Variants in PPP2R2C observed in about 807,000 individuals in gnomAD.
The protein encoded by PPP2R2C is protein phosphatase 2 regulatory subunit Bgamma, also known as protein phosphatase 2, regulatory subunit B, gamma.
PPP2R2C carries 10 observed loss-of-function variants against 45.3 expected under a neutral mutation model. The observed-to-expected ratio is 0.22, with a 90% CI of 0.14 to 0.37. The LOEUF (loss-of-function observed/expected upper bound fraction) is 0.37, where lower values mean the gene tolerates loss of function less well. Among genes scored for constraint, PPP2R2C ranks in the 10% least tolerant of loss-of-function variants. The pLI is 1.00. For synonymous variants in PPP2R2C, 257 were observed against 245.4 expected (o/e 1.05, Z -0.44); for missense variants, 308 against 619.7 (o/e 0.50, Z 5.34).
intron 1 of PPP2R2C, among the ~76,000 whole-genome samples, chr4:6,404,265 C>G (rs979725755): frequency 6.6e-6 from 1 of 152,150 alleles, no homozygotes; most frequent in Non-Finnish European, 1.5e-5. Flanking sequence ...GCTGAAGGTG[C>G]CTTGATGTCC....
chr4:6,334,946 G>A (rs767738008), intron 6 of PPP2R2C, among the ~76,000 whole-genome samples: 2 of 152,136 alleles, frequency 1.3e-5, no homozygotes, highest in Non-Finnish European at 2.9e-5. Context: ...CCCCTCATGG[G>A]AAATGGCAGC....
chr4:6,411,392 C>T (rs1255190461), intron 1 of PPP2R2C, among the ~76,000 whole-genome samples: 2 of 152,112 alleles, frequency 1.3e-5, no homozygotes, highest in East Asian at 3.9e-4. Context: ...CCCAGGCTGG[C>T]ACACAGCAGG....
chr4:6,525,271 G>T (rs997303858), intron 2 of PPP2R2C, among the ~76,000 whole-genome samples: 1 of 152,042 alleles, frequency 6.6e-6, no homozygotes, highest in African/African-American at 2.4e-5. Flanking sequence ...CGGGCATGGT[G>T]GCATGTGCCT....
intron 3 of PPP2R2C, among the ~76,000 whole-genome samples, chr4:6,377,148 A>AGAGCCTTGGAG (rs1160913028): frequency 6.6e-6 from 1 of 152,228 alleles, no homozygotes; most frequent in Non-Finnish European, 1.5e-5. Context: ...CATGTTCGGG[A>AGAGCCTTGGAG]GAGCCTTGGA....
rs572477534 is a variant in PPP2R2C at position 6,331,265 on chromosome 4, G to C, written c.961-1912C>G. On this transcript the variant is annotated intron_variant, in intron 7 of 8. Coordinates refer to ENST00000382599, the MANE Select transcript of PPP2R2C (RefSeq NM_020416.4). This position sits in a 1 kb window ranked among gnomAD's most constrained non-coding sequence, Gnocchi z 5.9. ...TGAGGAAGAGCTCTGGAGAAAGACTGTCAATCTAAGGTCCGCTGCTTGCTG... is the reference window on the plus strand; with the variant it reads ...TGAGGAAGAGCTCTGGAGAAAGACTCTCAATCTAAGGTCCGCTGCTTGCTG... 6.6e-6 allele frequency among the ~76,000 whole-genome samples: 1 copy of C among 152,132 alleles called. No individual in the cohort carries two copies. The highest frequency in any genetic ancestry group is 1.5e-5 in the Non-Finnish European group (1 of 68,034).
intron 2 of PPP2R2C, among the ~76,000 whole-genome samples, chr4:6,524,177 C>T (rs1289981199): frequency 1.3e-5 from 2 of 152,142 alleles, no homozygotes; most frequent in Admixed American, 6.5e-5. Context: ...CTGCCTCAGC[C>T]TCCCAAAGTG....
chr4:6,516,571 C>T (rs1257416067), intron 2 of PPP2R2C, among the ~76,000 whole-genome samples: 4 of 152,222 alleles, frequency 2.6e-5, no homozygotes, highest in African/African-American at 9.6e-5. Context: ...GGGCCCATGA[C>T]TCCTCCTCCC....
chr4:6,536,354 A>G (rs1724614336), intron 1 of PPP2R2C, among the ~76,000 whole-genome samples: 1 of 152,252 alleles, frequency 6.6e-6, no homozygotes, highest in Admixed American at 6.5e-5. Flanking sequence ...CAAATCAACA[A>G]GAAGACAAAG....
chr4:6,381,158 A>G (rs1421745825), intron 1 of PPP2R2C, 64 bp from the exon 2 acceptor site: 6 of 1,552,206 alleles, frequency 3.9e-6, no homozygotes, highest in Non-Finnish European at 4.4e-6. Flanking sequence ...CGGGTGCTCA[A>G]CAGTGCCACA....
chr4:6,441,586 A>T lies in PPP2R2C; in HGVS notation c.70+30574T>A, dbSNP rs150433609. On this transcript the variant is annotated intron_variant, in intron 1 of 8. Transcript: ENST00000382599. ...CCCTTCCCTGGCGGATGGTTCCAGC[A>T]TCACCTTCTGCTCTGTACGTGTCAC... Among the ~76,000 whole-genome samples the T allele has an allele frequency of 3.5e-3, 534 of 152,280 alleles. 5 individuals are homozygous for T. The highest frequency in any genetic ancestry group is 0.012 in the African/African-American group (507 of 41,562).
intron 2 of PPP2R2C, among the ~76,000 whole-genome samples, chr4:6,518,922 TAAAAAAAAAAAAAAAAAAAAA>T (rs56002128): frequency 0.2 from 18,361 of 93,704 alleles, 1,907 homozygotes; most frequent in East Asian, 0.6. Context: ...GACTCTGTCT[TAAAAAAAAAAAAAAAAAAAAA>T]AAAAAAAAAA....
At chr4:6,461,545 G>A (rs751053586) in intron 1 of PPP2R2C, among the ~76,000 whole-genome samples, 2 of 152,290 alleles carry the variant, frequency 1.3e-5, no homozygotes, top group East Asian at 1.9e-4. Flanking sequence ...CCTCTTCCCC[G>A]GAGAATGGAG....
chr4:6,560,134 G>C (rs1023617878), intron 1 of PPP2R2C, among the ~76,000 whole-genome samples: 1 of 152,208 alleles, frequency 6.6e-6, no homozygotes, highest in Admixed American at 6.5e-5. Flanking sequence ...AGCCAGGCAA[G>C]GCAGGGGCAG....
intron 2 of PPP2R2C, among the ~76,000 whole-genome samples, chr4:6,513,716 C>T (rs545673065): frequency 6.6e-6 from 1 of 152,292 alleles, no homozygotes; most frequent in East Asian, 1.9e-4. Flanking sequence ...CAGCTGTGCT[C>T]CCCCATCAGC....
chr4:6,434,896 A>ATGAG (rs977736608), intron 1 of PPP2R2C, among the ~76,000 whole-genome samples: 2 of 152,138 alleles, frequency 1.3e-5, no homozygotes, highest in Non-Finnish European at 1.5e-5. Context: ...CCATCTCCTC[A>ATGAG]TCACATCCTT....
At chr4:6,540,713 A>G (rs1250352104) in intron 1 of PPP2R2C, among the ~76,000 whole-genome samples, 1 of 152,226 alleles carries the variant, frequency 6.6e-6, no homozygotes, top group Non-Finnish European at 1.5e-5. Context: ...GGCTCCACAC[A>G]TGTGGTTTCT....
At chr4:6,428,374 G>A (rs972676362) in intron 1 of PPP2R2C, among the ~76,000 whole-genome samples, 6 of 152,228 alleles carry the variant, frequency 3.9e-5, no homozygotes, top group Non-Finnish European at 8.8e-5. Flanking sequence ...CAAGCCTTAA[G>A]TTTCCAAGGT....
At chr4:6,342,104 ACAC>A in intron 6 of PPP2R2C, among the ~76,000 whole-genome samples, 1 of 147,576 alleles carries the variant, frequency 6.8e-6, no homozygotes, top group African/African-American at 2.7e-5. Flanking sequence ...ACACACACAC[ACAC>A]ACACACACAC....
chr4:6,351,384 G>A (rs1224285430), intron 5 of PPP2R2C: 2 of 983,528 alleles, frequency 2.0e-6, no homozygotes, highest in East Asian at 1.1e-4. Flanking sequence ...GTAGCCCTGT[G>A]GCAAACACAC....
Sources: gnomAD v4.1 joint callset for allele counts (sites outside exome capture counted in the v4.1 genomes callset) on GRCh38, gnomAD v4.1.1 for gene constraint, Gnocchi (gnomAD v3.1) non-coding constraint, MANE v1.5 for transcripts, NCBI Gene and HGNC (gene_info 2026-07-23, HGNC 2026-07-21) for gene names.